Variants in TRAPPC9 observed in about 807,000 individuals in gnomAD.
TRAPPC9 encodes the protein IKK2 binding protein.
Under a neutral mutation model 124.0 loss-of-function variants are expected in TRAPPC9, and 83 were observed. The observed-to-expected ratio is 0.67, with a 90% CI of 0.56 to 0.80. The LOEUF (loss-of-function observed/expected upper bound fraction) is 0.80. Among genes scored for constraint, TRAPPC9 ranks in the 30% least tolerant of loss-of-function variants. The pLI is 0.00. For missense variants in TRAPPC9, 1,302 were observed against 1,508.3 expected, an observed-to-expected ratio of 0.86 and a Z score of 2.27; for synonymous variants, 638 against 617.5, an observed-to-expected ratio of 1.03 and a Z score of -0.49.
chr8:140,305,714 G>A (rs545046818), intron 10 of TRAPPC9, among the ~76,000 whole-genome samples: 1 of 152,328 alleles, frequency 6.6e-6, no homozygotes, highest in East Asian at 1.9e-4. Flanking sequence ...AAAACTGACA[G>A]GGAATGGTAA....
In TRAPPC9 at chr8:140,206,866, C is replaced by T. The variant is rs993499741; in HGVS notation, c.2556+14593G>A. On this transcript the variant is annotated intron_variant, in intron 17 of 22. Coordinates refer to ENST00000438773, the MANE Select transcript of TRAPPC9 (RefSeq NM_001160372.4). ...CTCCCTGCGCCTTTTTGCCTGCCTC[C>T]TTCCCAAGCCGTCTGTGACCCTTTT... is the stretch of plus-strand genomic sequence containing the variant. Among the ~76,000 whole-genome samples the T allele has an allele frequency of 9.2e-5, 14 of 152,046 alleles. 1 individual carries two copies. The highest frequency in any genetic ancestry group is 8.5e-4 in the Admixed American group (13 of 15,252).
intron 9 of TRAPPC9, among the ~76,000 whole-genome samples, chr8:140,333,352 T>C (rs2066947266): frequency 2.0e-5 from 3 of 152,302 alleles, no homozygotes; most frequent in Admixed American, 6.5e-5. Flanking sequence ...TAGATATAGA[T>C]ATAGATGTAG....
intron 15 of TRAPPC9, among the ~76,000 whole-genome samples, chr8:140,267,910 C>T (rs1233762006): frequency 1.3e-5 from 2 of 152,152 alleles, no homozygotes; most frequent in East Asian, 3.9e-4. Context: ...TTGTGATCCA[C>T]CTGCCTCGGC....
At position 140,252,869 on chromosome 8, in the gene TRAPPC9, A is replaced by C. The variant is rs778398569; in HGVS notation, c.2339T>G (p.Leu780Trp). ...GAACGTGGCCACCTTCCCAGGCTGC[A>C]AAGGGAACTGGGCAAGGGTTTCCTC... The part of the protein sequence containing the change: ...KLEETLAQFP[L>W]QPGKVATFTI... Residue 780 changes from leucine to tryptophan, a missense_variant, in exon 16 of 23, where the codon TTG (leucine) becomes TGG (tryptophan). Around this residue, in one of 3 missense-constraint regions of TRAPPC9, gnomAD observed 640 missense variants for 679.3 expected, o/e 0.94. Coordinates refer to ENST00000438773, the MANE Select transcript of TRAPPC9 (RefSeq NM_001160372.4). This position sits in a 1 kb window ranked among gnomAD's most constrained non-coding sequence, Gnocchi z 4.2. 2 of 1,614,186 alleles carry C rather than the reference A, an allele frequency of 1.2e-6. No homozygotes were observed. The highest frequency in any genetic ancestry group is 1.7e-6 in the Non-Finnish European group (2 of 1,180,034).
At chr8:140,337,636 C>T (rs1045166619) in intron 9 of TRAPPC9, among the ~76,000 whole-genome samples, 7 of 152,188 alleles carry the variant, frequency 4.6e-5, no homozygotes, top group African/African-American at 1.7e-4. Flanking sequence ...CACGTGGGTG[C>T]GGGTACCGGA....
rs929796680 is a variant in TRAPPC9 at position 140,104,447 on chromosome 8, G to A, written c.2557-80368C>T. 2.6e-5 allele frequency among the ~76,000 whole-genome samples: 4 copies of A among 152,164 alleles called. No individual in the cohort carries two copies. The highest frequency in any genetic ancestry group is 7.2e-5 in the African/African-American group (3 of 41,432). ...CTCTGAGATACTCACAGGCCCGTGC[G>A]ATAGTTGGATATCTAAGTGGGCACT... is the stretch of plus-strand genomic sequence containing the variant. On this transcript the variant is annotated intron_variant, in intron 17 of 22. Coordinates refer to ENST00000438773, the MANE Select transcript of TRAPPC9 (RefSeq NM_001160372.4). This position sits in a 1 kb window ranked among gnomAD's most constrained non-coding sequence, Gnocchi z 4.0.
intron 17 of TRAPPC9, among the ~76,000 whole-genome samples, chr8:140,140,053 T>C (rs571708616): frequency 4.6e-5 from 7 of 152,130 alleles, no homozygotes; most frequent in African/African-American, 1.7e-4. Context: ...CACAACGGGG[T>C]GCTTGTGTGC....
At chr8:140,026,203 T>C (rs1286532226) in intron 17 of TRAPPC9, among the ~76,000 whole-genome samples, 1 of 152,224 alleles carries the variant, frequency 6.6e-6, no homozygotes, top group Non-Finnish European at 1.5e-5. Flanking sequence ...AAGACCAATA[T>C]TCCATTACAT....
At chr8:140,033,682 T>TTG (rs1563706922) in intron 17 of TRAPPC9, among the ~76,000 whole-genome samples, 11 of 117,480 alleles carry the variant, frequency 9.4e-5, no homozygotes, top group African/African-American at 3.3e-4. Context: ...TTTTTTTTTT[T>TTG]TTTTTTTTTT....
chr8:140,017,902 G>A (rs1248044772), intron 18 of TRAPPC9, among the ~76,000 whole-genome samples: 2 of 152,160 alleles, frequency 1.3e-5, no homozygotes, highest in African/African-American at 4.8e-5. Flanking sequence ...GGAGTGCAGT[G>A]GTATAATCTC....
chr8:140,286,361 C>T (rs999456321), intron 13 of TRAPPC9, among the ~76,000 whole-genome samples: 3 of 152,174 alleles, frequency 2.0e-5, no homozygotes, highest in Non-Finnish European at 2.9e-5. Flanking sequence ...CTGTGAGGCT[C>T]CCAGTTGAGA....
chr8:140,393,509 G>T (rs2068993659), intron 7 of TRAPPC9, among the ~76,000 whole-genome samples: 1 of 152,084 alleles, frequency 6.6e-6, no homozygotes, highest in South Asian at 2.1e-4. Flanking sequence ...AACAACTAAA[G>T]AAAAGACAGG....
intron 18 of TRAPPC9, among the ~76,000 whole-genome samples, chr8:140,011,701 G>A (rs1342079899): frequency 9.9e-4 from 103 of 104,064 alleles, no homozygotes; most frequent in Middle Eastern, 9.6e-3. Context: ...TTTTTTTGAC[G>A]GAGTCTTGCT....
chr8:140,364,868 G>A (rs1330256545), intron 8 of TRAPPC9, among the ~76,000 whole-genome samples: 1 of 151,852 alleles, frequency 6.6e-6, no homozygotes, highest in African/African-American at 2.4e-5. Flanking sequence ...CACCATACCT[G>A]GCCACTCTTA....
chr8:140,053,321 T>A (rs564158582), intron 17 of TRAPPC9, among the ~76,000 whole-genome samples: 24 of 152,232 alleles, frequency 1.6e-4, no homozygotes, highest in African/African-American at 5.5e-4. Context: ...GCTGACCCAA[T>A]TGTTGTCCAG....
At chr8:140,319,244 C>T (rs1180859612) in intron 9 of TRAPPC9, among the ~76,000 whole-genome samples, 4 of 131,210 alleles carry the variant, frequency 3.0e-5, no homozygotes, top group African/African-American at 1.2e-4. Flanking sequence ...GGCGCGATCT[C>T]GGCTCACTGC....
At chr8:140,444,837 C>T (rs151153159) in intron 2 of TRAPPC9, among the ~76,000 whole-genome samples, 226 of 133,144 alleles carry the variant, frequency 1.7e-3, no homozygotes, top group African/African-American at 5.9e-3. Context: ...CATTCCAGCA[C>T]GGGCAACAAG....
chr8:139,847,091 C>T (rs1055745261), intron 21 of TRAPPC9, among the ~76,000 whole-genome samples: 5 of 152,292 alleles, frequency 3.3e-5, no homozygotes, highest in East Asian at 1.9e-4. Flanking sequence ...ACTGTGGGTG[C>T]GCAGCAGGAC....
chr8:140,246,879 G>T (rs1350915181), intron 16 of TRAPPC9, among the ~76,000 whole-genome samples: 1 of 152,134 alleles, frequency 6.6e-6, no homozygotes, highest in Non-Finnish European at 1.5e-5. Context: ...CAGCTACTTG[G>T]GAGGCTGAGG....
Sources: gnomAD v4.1 joint callset for allele counts (sites outside exome capture counted in the v4.1 genomes callset) on GRCh38, gnomAD v4.1.1 for gene constraint, gnomAD v4.1.1 regional missense constraint, Gnocchi (gnomAD v3.1) non-coding constraint, MANE v1.5 for transcripts, NCBI Gene and HGNC (gene_info 2026-07-23, HGNC 2026-07-21) for gene names.